ADGRG7: variants seen among roughly 807,000 people sequenced by gnomAD.
The protein encoded by ADGRG7 is G-protein coupled receptor 128.
In ADGRG7, 82 loss-of-function variants were observed where a neutral mutation model predicts 88.6. The observed-to-expected ratio is 0.93, with a 90% confidence interval of 0.77 to 1.11. The LOEUF (loss-of-function observed/expected upper bound fraction) is 1.11. ADGRG7 is among the 50% of genes most tolerant of loss of function. ADGRG7 has a pLI of 0.00. For missense variants in ADGRG7, 945 were observed against 953.4 expected (o/e 0.99, Z 0.12); for synonymous variants, 381 against 345.2 (o/e 1.10, Z -1.15).
chr3:100,609,645 G>C lies in ADGRG7; in HGVS notation c.-212G>C, dbSNP rs904194465. On this transcript the variant is annotated 5_prime_UTR_variant, in exon 1 of 16. Transcript: ENST00000273352. ...TGAGTGAAGGATGAGGAAATTGAAA[G>C]CAGAGTATGCACCTTTTATTAGGAG... is the stretch of plus-strand genomic sequence containing the variant. 3.5e-5 allele frequency: 15 copies of C among 426,896 alleles called. No individual in the cohort carries two copies. Among genetic ancestry groups the C allele is most frequent in the Middle Eastern group, 6.9e-4 (1 of 1,454 alleles). 26.4% of individuals were successfully genotyped at this position (426,896 alleles called of 1,614,324 possible).
At chr3:100,670,252 A>G (rs935833107) in intron 15 of ADGRG7, among the ~76,000 whole-genome samples, 2 of 152,182 alleles carry the variant, frequency 1.3e-5, no homozygotes, top group Admixed American at 6.5e-5. Context: ...ATAATTGAGA[A>G]CATGCAAAGT....
rs2095000873 is a variant in ADGRG7, at chr3:100,695,477, CA to C, written c.*478del. On this transcript the variant is annotated 3_prime_UTR_variant, in exon 16 of 16. Coordinates refer to ENST00000273352, the MANE Select transcript of ADGRG7 (RefSeq NM_032787.3). The stretch of plus-strand genomic sequence containing the variant: ...TTATTTCCAATGAAGAATTTGGCAC[CA>C]ATTCAAACTTTGAAAAGCGATATTT... The C allele has an allele frequency of 6.6e-6, 1 of 152,206 alleles. No homozygotes were observed. Among genetic ancestry groups the C allele is most frequent in the African/African-American group, 2.4e-5 (1 of 41,350 alleles). The allele number at this position is 152,206 out of a possible 1,614,324, so 9.4% of individuals were successfully genotyped here.
intron 10 of ADGRG7, among the ~76,000 whole-genome samples, chr3:100,647,227 T>G (rs1335270226): frequency 3.3e-5 from 5 of 152,122 alleles, no homozygotes; most frequent in African/African-American, 1.2e-4. Context: ...CTTTTTGCTA[T>G]GTGGTCTTAG....
chr3:100,616,024 C>G (rs1412858054), intron 1 of ADGRG7, among the ~76,000 whole-genome samples: 1 of 152,094 alleles, frequency 6.6e-6, no homozygotes, highest in East Asian at 1.9e-4. Context: ...AAAGTCACTA[C>G]CAGTAATTGA....
At chr3:100,628,969 GT>G in intron 1 of ADGRG7, among the ~76,000 whole-genome samples, 1 of 151,890 alleles carries the variant, frequency 6.6e-6, no homozygotes, top group South Asian at 2.1e-4. Context: ...AATCTTCTTG[GT>G]TTGGTTTATA....
At chr3:100,629,202 A>G (rs1707421645) in intron 1 of ADGRG7, among the ~76,000 whole-genome samples, 1 of 152,082 alleles carries the variant, frequency 6.6e-6, no homozygotes. Flanking sequence ...CTTCTTGGCT[A>G]GGTTACCTCT....
At position 100,645,863 on chromosome 3, in the gene ADGRG7, C is replaced by G. The variant is rs893802334; in HGVS notation, c.947-82C>G. ...TTTACTCAAATATTAAGCAGCCATGCACTTCTACAATAACGTGACATATTG... is the reference window on the plus strand; with the variant it reads ...TTTACTCAAATATTAAGCAGCCATGGACTTCTACAATAACGTGACATATTG... On this transcript the variant is annotated intron_variant, in intron 8 of 15. Coordinates refer to ENST00000273352, the MANE Select transcript of ADGRG7 (RefSeq NM_032787.3). The G allele has an allele frequency of 2.4e-5, 29 of 1,232,534 alleles. No individual in the cohort carries two copies. The South Asian group carries it at 3.7e-4, about 16-fold the overall frequency. 76.3% of individuals were successfully genotyped at this position (1,232,534 alleles called of 1,614,324 possible).
intron 8 of ADGRG7, 90 bp downstream of exon 8, chr3:100,643,723 A>G (rs1707688044): frequency 1.2e-6 from 1 of 831,984 alleles, no homozygotes; most frequent in South Asian, 1.7e-5. Flanking sequence ...AATAATGTCT[A>G]CTTAGTTTCA....
chr3:100,680,151 T>G (rs2149039506), intron 15 of ADGRG7, among the ~76,000 whole-genome samples: 1 of 152,336 alleles, frequency 6.6e-6, no homozygotes, highest in South Asian at 2.1e-4. Flanking sequence ...TATTTTGGGG[T>G]TCTACTATTA....
intron 9 of ADGRG7, 38 bp downstream of exon 9, chr3:100,646,146 T>C: frequency 6.9e-7 from 1 of 1,456,134 alleles, no homozygotes; most frequent in East Asian, 3.2e-5. Flanking sequence ...AAAAGTGTCC[T>C]CATGCTTTCT....
At chr3:100,612,039 T>G (rs1181449477) in intron 1 of ADGRG7, among the ~76,000 whole-genome samples, 1 of 152,148 alleles carries the variant, frequency 6.6e-6, no homozygotes, top group East Asian at 1.9e-4. Flanking sequence ...AATGTCTTAG[T>G]AGGGAAAATA....
At chr3:100,653,209 A>C (rs1279837602) in intron 11 of ADGRG7, among the ~76,000 whole-genome samples, 1 of 152,244 alleles carries the variant, frequency 6.6e-6, no homozygotes, top group Admixed American at 6.5e-5. Flanking sequence ...GAATAGCATC[A>C]GTAACAATAG....
At chr3:100,694,193 A>G (rs1188222957) in intron 15 of ADGRG7, among the ~76,000 whole-genome samples, 3 of 152,252 alleles carry the variant, frequency 2.0e-5, no homozygotes, top group Admixed American at 6.5e-5. Context: ...TATGACTTCT[A>G]TAAATGGCAG....
At chr3:100,637,610 G>A in intron 6 of ADGRG7, 1 of 506,534 alleles carries the variant, frequency 2.0e-6, no homozygotes, top group Non-Finnish European at 3.5e-6. Context: ...CAGGGGTGCT[G>A]GCCATGGCCT....
At chr3:100,670,519 T>C (rs952606160) in intron 15 of ADGRG7, among the ~76,000 whole-genome samples, 2 of 152,206 alleles carry the variant, frequency 1.3e-5, no homozygotes, top group African/African-American at 4.8e-5. Context: ...TGGATATATA[T>C]CTAGCAGTAG....
At chr3:100,610,038 G>C in intron 1 of ADGRG7, 67 bp downstream of exon 1, 1 of 1,282,332 alleles carries the variant, frequency 7.8e-7, no homozygotes, top group Admixed American at 1.7e-5. Flanking sequence ...CCTGCCACCT[G>C]GTGCACAAGT....
intron 15 of ADGRG7, among the ~76,000 whole-genome samples, chr3:100,690,569 A>C (rs2094991497): frequency 1.3e-5 from 2 of 150,864 alleles, no homozygotes; most frequent in Non-Finnish European, 2.9e-5. Flanking sequence ...TTTCTGTTTG[A>C]TAGTTTTCCT....
Position 100,619,378 on chromosome 3 carries a change from C to T in ADGRG7, c.115+9407C>T, listed in dbSNP as rs186322606. Among the ~76,000 whole-genome samples, 1,062 of 152,176 alleles carry T rather than the reference C, an allele frequency of 7.0e-3. 9 individuals are homozygous for T. The highest frequency in any genetic ancestry group is 0.013 in the African/African-American group (538 of 41,516). ...AACCAACAAGAACAAAGACACAACA[C>T]ACCAGAATCTCTGGGACACATTCAA... On this transcript the variant is annotated intron_variant, in intron 1 of 15. Transcript: ENST00000273352.
At chr3:100,648,843 A>G (rs1360046632) in intron 10 of ADGRG7, among the ~76,000 whole-genome samples, 1 of 152,124 alleles carries the variant, frequency 6.6e-6, no homozygotes, top group African/African-American at 2.4e-5. Flanking sequence ...TACATATCCA[A>G]CCCACCCTGT....
Sources: gnomAD v4.1 joint callset for allele counts (sites outside exome capture counted in the v4.1 genomes callset) on GRCh38, gnomAD v4.1.1 for gene constraint, MANE v1.5 for transcripts, NCBI Gene and HGNC (gene_info 2026-07-23, HGNC 2026-07-21) for gene names.